Variants in MGRN1 observed in about 807,000 individuals in gnomAD.
The protein encoded by MGRN1 is E3 ubiquitin-protein ligase MGRN1.
Under a neutral mutation model 69.2 loss-of-function variants are expected in MGRN1, and 29 were observed. The observed-to-expected ratio is 0.42, with a 90% confidence interval of 0.31 to 0.57. MGRN1 has a LOEUF of 0.57. Among genes scored for constraint, MGRN1 ranks in the 20% least tolerant of loss-of-function variants. MGRN1 has a pLI of 0.15. For synonymous variants in MGRN1, 470 were observed against 344.2 expected, an observed-to-expected ratio of 1.37 and a Z score of -4.04; for missense variants, 998 against 796.2, an observed-to-expected ratio of 1.25 and a Z score of -3.05.
At chr16:4,681,933 G>C (rs2079191306) in intron 13 of MGRN1, among the ~76,000 whole-genome samples, 157 bp downstream of exon 13, 1 of 152,264 alleles carries the variant, frequency 6.6e-6, no homozygotes, top group Non-Finnish European at 1.5e-5. Flanking sequence ...CATGGGTAAA[G>C]TTTATTACGG....
At chr16:4,633,607 C>G (rs1435846264) in intron 1 of MGRN1, 1 of 151,800 alleles carries the variant, frequency 6.6e-6, no homozygotes, top group Non-Finnish European at 1.5e-5. Flanking sequence ...AGGAGAATCA[C>G]TTGAACCCAG....
At position 4,630,638 on chromosome 16, in the gene MGRN1, G is replaced by A. The variant is rs184575434; in HGVS notation, c.88+5590G>A. 5.5e-3 allele frequency among the ~76,000 whole-genome samples: 837 copies of A among 151,772 alleles called. 10 individuals carry two copies. The highest frequency in any genetic ancestry group is 0.034 in the Middle Eastern group (10 of 294). ...AATTTTTGGATTTTTTAGTAGAGACGGGGTTTTCACCATATTGGCCAGGCT... is the reference window on the plus strand; with the variant it reads ...AATTTTTGGATTTTTTAGTAGAGACAGGGTTTTCACCATATTGGCCAGGCT... On this transcript the variant is annotated intron_variant, in intron 1 of 16. Transcript: ENST00000262370.
chr16:4,668,415 AT>A (rs772123082), intron 8 of MGRN1, 103 bp downstream of exon 8: 2 of 1,234,198 alleles, frequency 1.6e-6, no homozygotes, highest in Non-Finnish European at 2.3e-6. Flanking sequence ...ACACACGCAC[AT>A]ATACTCATAC....
intron 7 of MGRN1, 24 bp from the exon 8 acceptor site, chr16:4,668,241 C>T (rs1219005237): frequency 1.9e-6 from 3 of 1,612,522 alleles, no homozygotes; most frequent in Middle Eastern, 1.7e-4. Context: ...ACCACCTTAA[C>T]CTCTTTGTCT....
intron 16 of MGRN1, among the ~76,000 whole-genome samples, chr16:4,684,237 G>A (rs767092130): frequency 1.6e-3 from 247 of 152,360 alleles, no homozygotes; most frequent in Non-Finnish European, 2.7e-3. Flanking sequence ...GCCTGTGAGA[G>A]GATGGGGTCC....
intron 7 of MGRN1, among the ~76,000 whole-genome samples, chr16:4,667,201 G>A (rs773120689): frequency 6.6e-5 from 10 of 152,220 alleles, no homozygotes; most frequent in Non-Finnish European, 1.3e-4. Flanking sequence ...ATGTGCAGCC[G>A]CAGCCCCTGA....
chr16:4,687,108 G>A (rs1027307226), intron 16 of MGRN1: 8 of 985,294 alleles, frequency 8.1e-6, no homozygotes, highest in African/African-American at 7.0e-5. Flanking sequence ...TTTGTGCCAT[G>A]AGCCCACTGC....
intron 1 of MGRN1, among the ~76,000 whole-genome samples, chr16:4,647,822 C>G (rs1488697277): frequency 6.6e-6 from 1 of 152,138 alleles, no homozygotes; most frequent in African/African-American, 2.4e-5. Flanking sequence ...GGTCCCTGTT[C>G]TGCATGCTGG....
intron 11 of MGRN1, among the ~76,000 whole-genome samples, chr16:4,678,379 G>C (rs1303709287): frequency 6.6e-6 from 1 of 152,234 alleles, no homozygotes; most frequent in Non-Finnish European, 1.5e-5. Flanking sequence ...CGAGAGAGAG[G>C]TGGAGAGACA....
intron 7 of MGRN1, among the ~76,000 whole-genome samples, chr16:4,666,284 A>G (rs953936924): frequency 6.6e-6 from 1 of 151,794 alleles, no homozygotes; most frequent in Admixed American, 6.6e-5. Flanking sequence ...ATGCACCACC[A>G]CGTCTGTCTA....
chr16:4,629,029 G>T (rs181558294), intron 1 of MGRN1, among the ~76,000 whole-genome samples: 242 of 152,042 alleles, frequency 1.6e-3, no homozygotes, highest in African/African-American at 4.7e-3. Context: ...TAGACACGGG[G>T]TTTCACTATG....
intron 15 of MGRN1, 24 bp from the exon 16 acceptor site, chr16:4,683,819 C>T (rs768820420): frequency 5.0e-5 from 80 of 1,609,242 alleles, no homozygotes; most frequent in Middle Eastern, 5.0e-4. Flanking sequence ...CCTGTAGGTC[C>T]CTAACCTCAC....
intron 1 of MGRN1, among the ~76,000 whole-genome samples, chr16:4,631,558 A>G (rs1898001873): frequency 6.6e-6 from 1 of 152,224 alleles, no homozygotes; most frequent in African/African-American, 2.4e-5. Context: ...AAATCGGCCC[A>G]GAATATCCAT....
chr16:4,681,030 C>T (rs943256211), intron 12 of MGRN1, among the ~76,000 whole-genome samples: 1 of 152,214 alleles, frequency 6.6e-6, no homozygotes, highest in Non-Finnish European at 1.5e-5. Flanking sequence ...TCTGTCTGCT[C>T]CCAGTGAGGG....
intron 1 of MGRN1, among the ~76,000 whole-genome samples, chr16:4,642,933 C>T (rs149515912): frequency 2.0e-5 from 3 of 151,632 alleles, no homozygotes; most frequent in Non-Finnish European, 2.9e-5. Flanking sequence ...ACTGCAAGTA[C>T]GCATCACCGT....
intron 14 of MGRN1, 90 bp downstream of exon 14, chr16:4,683,036 C>G (rs988751485): frequency 6.8e-7 from 1 of 1,475,572 alleles, no homozygotes; most frequent in Non-Finnish European, 9.0e-7. Context: ...TCCCACTGCC[C>G]GCCTGGGCGC....
At chr16:4,657,793 T>G (rs2078583741) in intron 5 of MGRN1, among the ~76,000 whole-genome samples, 1 of 136,718 alleles carries the variant, frequency 7.3e-6, no homozygotes, top group African/African-American at 2.8e-5. Flanking sequence ...TCGCCCAGGC[T>G]GCAGTGCAGT....
In MGRN1 at chr16:4,690,221, T is replaced by C. The variant is rs1478725296; in HGVS notation, c.*1313T>C. On this transcript the variant is annotated 3_prime_UTR_variant, in exon 17 of 17. Coordinates refer to ENST00000262370, the MANE Select transcript of MGRN1 (RefSeq NM_015246.4). ...CGTCCTGTTTTTTTTGTTTGTTTGT[T>C]TGTTTTTTTAAAGGTAAACCTCCTG... 1 of 152,260 alleles carries C rather than the reference T, an allele frequency of 6.6e-6. No homozygotes were observed. The highest frequency in any genetic ancestry group is 1.5e-5 in the Non-Finnish European group (1 of 68,138). 9.4% of individuals were successfully genotyped at this position (152,260 alleles called of 1,614,324 possible).
At chr16:4,640,750 A>G (rs961238478) in intron 1 of MGRN1, 3 of 152,232 alleles carry the variant, frequency 2.0e-5, no homozygotes, top group Non-Finnish European at 4.4e-5. Context: ...GTGTGTGAAC[A>G]GTGCCCATTG....
Sources: allele counts gnomAD v4.1 joint callset (sites outside exome capture counted in the v4.1 genomes callset), GRCh38; gene constraint gnomAD v4.1.1; transcripts MANE v1.5; gene names NCBI Gene and HGNC (gene_info 2026-07-23, HGNC 2026-07-21).